The following PLEKHA7 variants were observed in gnomAD, a reference collection of about 807,000 sequenced individuals.
PLEKHA7 encodes pleckstrin homology domain containing A7, also known as pleckstrin homology domain-containing family A member 7.
In PLEKHA7, 104 loss-of-function variants were observed where a neutral mutation model predicts 170.0. The observed-to-expected ratio is 0.61, with a 90% CI of 0.52 to 0.72. The LOEUF is 0.72. Ranked by LOEUF, PLEKHA7 falls within the 30% of genes least tolerant of loss-of-function variation. The probability of loss-of-function intolerance (pLI) is 0.00; values close to 1 mark genes in which losing one functional copy is unlikely to be tolerated. For synonymous variants in PLEKHA7, 648 were observed against 660.8 expected, an observed-to-expected ratio of 0.98 and a Z score of 0.30; for missense variants, 1,615 against 1,671.7, an observed-to-expected ratio of 0.97 and a Z score of 0.59.
intron 15 of PLEKHA7, among the ~76,000 whole-genome samples, 161 bp downstream of exon 15, chr11:16,802,811 G>A (rs559401951): frequency 6.6e-6 from 1 of 152,276 alleles, no homozygotes; most frequent in East Asian, 1.9e-4. Flanking sequence ...CTTCCAAAGT[G>A]CTGAGATTAC....
intron 3 of PLEKHA7, among the ~76,000 whole-genome samples, chr11:16,895,597 A>G (rs1340781961): frequency 6.6e-6 from 1 of 152,064 alleles, no homozygotes; most frequent in South Asian, 2.1e-4. Flanking sequence ...CATGTTAAAC[A>G]CCTCCCTGCA....
intron 3 of PLEKHA7, among the ~76,000 whole-genome samples, chr11:16,988,458 T>G (rs1044954764): frequency 2.0e-5 from 3 of 152,180 alleles, no homozygotes; most frequent in African/African-American, 7.2e-5. Context: ...CTTTCTTCCT[T>G]TCTTTGAGAC....
At chr11:16,783,409 C>T (rs1164965566) in intron 25 of PLEKHA7, among the ~76,000 whole-genome samples, 1 of 152,260 alleles carries the variant, frequency 6.6e-6, no homozygotes. Flanking sequence ...CACGGCCACG[C>T]TTGGCTCCAT....
intron 8 of PLEKHA7, among the ~76,000 whole-genome samples, chr11:16,848,397 C>T (rs183255183): frequency 3.3e-4 from 50 of 152,328 alleles, no homozygotes; most frequent in South Asian, 8.3e-4. Flanking sequence ...GAGCAGGGAC[C>T]TTAACATTTT....
chr11:16,855,973 G>A (rs537908263), intron 4 of PLEKHA7, 59 bp from the exon 5 acceptor site: 7 of 1,360,730 alleles, frequency 5.1e-6, no homozygotes, highest in Admixed American at 3.4e-5. Flanking sequence ...AGGAAGTGCA[G>A]TAAGATCAGT....
chr11:16,787,047 T>C (rs1243188375), intron 23 of PLEKHA7: 7 of 985,442 alleles, frequency 7.1e-6, no homozygotes, highest in Non-Finnish European at 8.4e-6. Flanking sequence ...TCAAATGGAA[T>C]GTTTCTAAGG....
At chr11:16,892,423 TG>T (rs1297921434) in intron 3 of PLEKHA7, among the ~76,000 whole-genome samples, 1 of 107,626 alleles carries the variant, frequency 9.3e-6, no homozygotes, top group Non-Finnish European at 2.1e-5. Context: ...TGTGTGTGTG[TG>T]TGTGTGTGTG....
At chr11:16,938,422 C>T (rs1441528795) in intron 3 of PLEKHA7, among the ~76,000 whole-genome samples, 13 of 152,074 alleles carry the variant, frequency 8.5e-5, no homozygotes, top group Non-Finnish European at 1.5e-5. Flanking sequence ...ATTTTTTTCT[C>T]TGAAACATTT....
At chr11:16,966,708 T>C (rs1271424795) in intron 3 of PLEKHA7, among the ~76,000 whole-genome samples, 1 of 152,122 alleles carries the variant, frequency 6.6e-6, no homozygotes, top group Non-Finnish European at 1.5e-5. Context: ...TTTTTAACCT[T>C]TTCTCTTTTC....
At chr11:16,940,765 GT>G (rs1860643051) in intron 3 of PLEKHA7, among the ~76,000 whole-genome samples, 1 of 152,110 alleles carries the variant, frequency 6.6e-6, no homozygotes, top group Non-Finnish European at 1.5e-5. Context: ...TAGTGCCTTT[GT>G]TTTTTCACTT....
intron 3 of PLEKHA7, among the ~76,000 whole-genome samples, chr11:16,958,752 T>C (rs1171043372): frequency 6.6e-6 from 1 of 152,252 alleles, no homozygotes. Flanking sequence ...ATCGTAGCTA[T>C]CATAATCCTA....
chr11:16,958,566 C>T (rs760503597), intron 3 of PLEKHA7, among the ~76,000 whole-genome samples: 4 of 152,142 alleles, frequency 2.6e-5, no homozygotes, highest in Non-Finnish European at 5.9e-5. Flanking sequence ...TTTTACTTTC[C>T]ATCTCTGTGC....
At chr11:16,812,773 C>G (rs1849465289) in intron 13 of PLEKHA7, among the ~76,000 whole-genome samples, 2 of 152,174 alleles carry the variant, frequency 1.3e-5, no homozygotes. Flanking sequence ...CATTAGTGAA[C>G]CAAACATACA....
intron 3 of PLEKHA7, among the ~76,000 whole-genome samples, chr11:16,932,204 G>T (rs1457478482): frequency 6.6e-6 from 1 of 151,154 alleles, no homozygotes; most frequent in East Asian, 1.9e-4. Context: ...TTATTATGAA[G>T]ATTAAATAAC....
At chr11:16,922,638 A>G (rs1345089505) in intron 3 of PLEKHA7, among the ~76,000 whole-genome samples, 1 of 152,008 alleles carries the variant, frequency 6.6e-6, no homozygotes, top group Non-Finnish European at 1.5e-5. Flanking sequence ...TCTTTAGTCT[A>G]TTTCTCCTCC....
At chr11:16,894,600 C>T (rs999737803) in intron 3 of PLEKHA7, among the ~76,000 whole-genome samples, 3 of 151,630 alleles carry the variant, frequency 2.0e-5, no homozygotes, top group Non-Finnish European at 4.4e-5. Context: ...GCTCCACACT[C>T]GTAGTGTAAG....
Position 16,974,908 on chromosome 11 carries a change from G to A in PLEKHA7, c.221+39081C>T. The stretch of plus-strand genomic sequence containing the variant: ...TTCCTGTCATAACGCCGCTTTCCCT[G>A]GGCGTACAGAGAATCCTTGCCCTTC... On this transcript the variant is annotated intron_variant, in intron 3 of 26. Transcript: ENST00000531066. 2.5e-6 allele frequency: 2 copies of A among 794,680 alleles called. 1 individual carries two copies. The highest frequency in any genetic ancestry group is 3.1e-6 in the Non-Finnish European group (2 of 635,890). 49.2% of individuals were successfully genotyped at this position (794,680 alleles called of 1,614,324 possible).
At chr11:16,907,387 G>A (rs1196793281) in intron 3 of PLEKHA7, among the ~76,000 whole-genome samples, 2 of 136,588 alleles carry the variant, frequency 1.5e-5, no homozygotes, top group South Asian at 2.4e-4. Flanking sequence ...GAGGGAGGTG[G>A]TGGGGTCAGC....
At chr11:16,932,947 G>C (rs1192249554) in intron 3 of PLEKHA7, among the ~76,000 whole-genome samples, 1 of 152,158 alleles carries the variant, frequency 6.6e-6, no homozygotes, top group Non-Finnish European at 1.5e-5. Context: ...AGGGGAGTCG[G>C]GTTAGCCTTA....
Sources: allele counts gnomAD v4.1 joint callset (sites outside exome capture counted in the v4.1 genomes callset), GRCh38; gene constraint gnomAD v4.1.1; transcripts MANE v1.5; gene names NCBI Gene and HGNC (gene_info 2026-07-23, HGNC 2026-07-21).